GASK1A: variants seen among roughly 807,000 people sequenced by gnomAD.
GASK1A encodes the protein golgi associated kinase 1A.
A neutral mutation model predicts 41.2 loss-of-function variants in GASK1A; 40 were observed. The ratio of observed to expected loss-of-function variants is 0.97; its 90% CI spans 0.75 to 1.27. The LOEUF is 1.27. Among genes scored for constraint, GASK1A ranks in the 50% most tolerant of loss-of-function variants. The probability of loss-of-function intolerance (pLI) is 0.00; values close to 1 mark genes in which losing one functional copy is unlikely to be tolerated. For synonymous variants in GASK1A, 316 were observed against 307.1 expected (o/e 1.03, Z -0.30); for missense variants, 678 against 745.1 (o/e 0.91, Z 1.05).
intron 1 of GASK1A, among the ~76,000 whole-genome samples, chr3:43,012,013 G>A (rs2089466001): frequency 6.6e-6 from 1 of 151,980 alleles, no homozygotes; most frequent in Non-Finnish European, 1.5e-5. Flanking sequence ...AACAGGGACA[G>A]TGTGAAGCCA....
chr3:43,052,429 A>G (rs1439238309), intron 2 of GASK1A, among the ~76,000 whole-genome samples: 1 of 152,122 alleles, frequency 6.6e-6, no homozygotes, highest in African/African-American at 2.4e-5. Context: ...TTCTTGTCCC[A>G]TGCAATGCAA....
Position 43,055,321 on chromosome 3 carries a change from G to A in GASK1A, c.1414-111G>A, listed in dbSNP as rs1218432050. The A allele has an allele frequency of 2.0e-5, 14 of 702,728 alleles. No homozygotes were observed. In the Admixed American group the frequency reaches 2.7e-4, roughly 13 times the overall value. 43.5% of individuals were successfully genotyped at this position (702,728 alleles called of 1,614,324 possible). ...TGAGGACTGTTTGTTAGGATGGACT[G>A]TGGGACTGACAGCTCAGGGCTGTCA... On this transcript the variant is annotated intron_variant, in intron 3 of 4. Coordinates refer to ENST00000430121, the MANE Select transcript of GASK1A (RefSeq NM_001129908.3).
At chr3:42,989,606 C>CTTTT in intron 1 of GASK1A, among the ~76,000 whole-genome samples, 2 of 3,892 alleles carry the variant, frequency 5.1e-4, no homozygotes, top group African/African-American at 6.2e-4. Flanking sequence ...ATCCTACCTG[C>CTTTT]TTTCTTTTTT....
chr3:42,987,832 C>T (rs1183447180), intron 1 of GASK1A, among the ~76,000 whole-genome samples: 1 of 151,744 alleles, frequency 6.6e-6, no homozygotes, highest in Non-Finnish European at 1.5e-5. Flanking sequence ...AACCCCATCT[C>T]TACTGAAAAT....
chr3:43,007,276 A>G (rs150456505), intron 1 of GASK1A, among the ~76,000 whole-genome samples: 2 of 152,280 alleles, frequency 1.3e-5, no homozygotes, highest in South Asian at 2.1e-4. Context: ...CAATATTTCA[A>G]TGTTCAGCAT....
At chr3:43,037,315 C>G in intron 2 of GASK1A, 1 of 873,700 alleles carries the variant, frequency 1.1e-6, no homozygotes, top group Admixed American at 1.7e-5. Flanking sequence ...GACAGGGCTC[C>G]CAGCCACTCT....
At chr3:42,998,673 A>C (rs758245483) in intron 1 of GASK1A, among the ~76,000 whole-genome samples, 26 of 152,084 alleles carry the variant, frequency 1.7e-4, no homozygotes, top group Non-Finnish European at 3.7e-4. Flanking sequence ...GCCTCCTGCT[A>C]TGACAGACGG....
intron 4 of GASK1A, 40 bp from the exon 5 acceptor site, chr3:43,056,136 T>A: frequency 2.0e-6 from 3 of 1,470,004 alleles, no homozygotes; most frequent in Non-Finnish European, 2.8e-6. Flanking sequence ...TTACTGTTGC[T>A]TTTTCTTTCT....
chr3:42,993,404 A>G (rs562670575), intron 1 of GASK1A, among the ~76,000 whole-genome samples: 4 of 152,354 alleles, frequency 2.6e-5, no homozygotes, highest in Non-Finnish European at 5.9e-5. Context: ...GTTATTAGGT[A>G]TACTGATAGA....
chr3:43,056,517 G>T lies in GASK1A; in HGVS notation c.*131G>T, dbSNP rs916577972. 4 of 779,538 alleles carry T rather than the reference G, an allele frequency of 5.1e-6. No individual in the cohort carries two copies. The highest frequency in any genetic ancestry group is 8.0e-6 in the Non-Finnish European group (4 of 501,170). 48.3% of individuals were successfully genotyped at this position (779,538 alleles called of 1,614,324 possible). A position where few individuals can be genotyped will look rare whatever the true frequency, so the allele number is the denominator to read the frequency against. ...AAGGATGTCACGGGATATTTCACCTGCCTGGGATGGTGGAGGTAGTATGGG... is the reference window on the plus strand; with the variant it reads ...AAGGATGTCACGGGATATTTCACCTTCCTGGGATGGTGGAGGTAGTATGGG... On this transcript the variant is annotated 3_prime_UTR_variant, in exon 5 of 5. Coordinates refer to ENST00000430121, the MANE Select transcript of GASK1A (RefSeq NM_001129908.3).
intron 1 of GASK1A, among the ~76,000 whole-genome samples, chr3:43,001,399 C>T (rs555997458): frequency 6.6e-6 from 1 of 152,154 alleles, no homozygotes; most frequent in Admixed American, 6.5e-5. Context: ...CTGCAATGGA[C>T]TTGGCCTGGC....
At chr3:42,986,807 T>G (rs533662695) in intron 1 of GASK1A, among the ~76,000 whole-genome samples, 1 of 152,254 alleles carries the variant, frequency 6.6e-6, no homozygotes, top group South Asian at 2.1e-4. Context: ...GGGGCCAGGA[T>G]AGAGGTATGG....
At chr3:43,032,200 A>C in intron 1 of GASK1A, 67 bp from the exon 2 acceptor site, 1 of 1,281,258 alleles carries the variant, frequency 7.8e-7, no homozygotes, top group South Asian at 1.6e-5. Flanking sequence ...TACCATCCCC[A>C]TTGTTTTGTG....
Position 43,032,811 on chromosome 3 carries a change from C to T in GASK1A, c.548C>T (p.Pro183Leu), listed in dbSNP as rs61746173. The part of the protein sequence containing the change: ...PLPGSDMAAL[P>L]AWRATSGLTL... ...CCAGGGAGTGACATGGCAGCTTTACCGGCTTGGAGAGCTACTTCTGGGCTG... is the reference window on the plus strand; with the variant it reads ...CCAGGGAGTGACATGGCAGCTTTACTGGCTTGGAGAGCTACTTCTGGGCTG... Residue 183 changes from proline to leucine, a missense_variant, in exon 2 of 5, where the codon CCG becomes CTG. Transcript: ENST00000430121. 2,540 of 1,549,692 alleles carry T rather than the reference C, an allele frequency of 1.6e-3. 26 individuals carry two copies. In the African/African-American group the frequency reaches 0.029, roughly 18 times the overall value.
chr3:43,045,921 ATCT>A (rs527773520), intron 2 of GASK1A, among the ~76,000 whole-genome samples: 69 of 152,280 alleles, frequency 4.5e-4, no homozygotes, highest in African/African-American at 1.7e-3. Flanking sequence ...CTTTCCCTTC[ATCT>A]TCTGCCATAA....
At chr3:43,036,092 C>T (rs1339138371) in intron 2 of GASK1A, among the ~76,000 whole-genome samples, 3 of 152,218 alleles carry the variant, frequency 2.0e-5, no homozygotes, top group Admixed American at 1.3e-4. Context: ...CACACAGAGC[C>T]CCTCTGTTCA....
chr3:43,039,038 CTTT>C (rs58111345), intron 2 of GASK1A, among the ~76,000 whole-genome samples: 4 of 142,814 alleles, frequency 2.8e-5, no homozygotes, highest in Non-Finnish European at 4.6e-5. Flanking sequence ...CCTCTTTTGA[CTTT>C]TTTTTTTTTT....
chr3:43,014,356 A>G (rs1387147613), intron 1 of GASK1A, among the ~76,000 whole-genome samples: 5 of 151,914 alleles, frequency 3.3e-5, no homozygotes, highest in Non-Finnish European at 5.9e-5. Context: ...GATGGTGTGA[A>G]GTCAGAGGAA....
intron 1 of GASK1A, 93 bp downstream of exon 1, chr3:42,979,738 C>G: frequency 8.3e-7 from 1 of 1,204,532 alleles, no homozygotes; most frequent in African/African-American, 1.6e-5. Context: ...AGGGCGCGCG[C>G]AGCCTGCGCG....
Sources: allele counts gnomAD v4.1 joint callset (sites outside exome capture counted in the v4.1 genomes callset), GRCh38; gene constraint gnomAD v4.1.1; transcripts MANE v1.5; gene names NCBI Gene and HGNC (gene_info 2026-07-23, HGNC 2026-07-21).